Variants in TBC1D19 observed in about 807,000 individuals in gnomAD.
TBC1D19 encodes TBC1 domain family member 19, also known as TBC1 domain family, member 19.
Under a neutral mutation model 89.0 loss-of-function variants are expected in TBC1D19, and 60 were observed. That is an observed-to-expected ratio of 0.67 (90% CI 0.55 to 0.84). TBC1D19 has a LOEUF of 0.84. Ranked by LOEUF, TBC1D19 falls within the 40% of genes least tolerant of loss-of-function variation. The pLI is 0.00. For synonymous variants in TBC1D19, 189 were observed against 199.7 expected (o/e 0.95, Z 0.45); for missense variants, 500 against 610.8 (o/e 0.82, Z 1.91).
chr4:26,602,494 T>C (rs547158119), intron 1 of TBC1D19, among the ~76,000 whole-genome samples: 1 of 138,638 alleles, frequency 7.2e-6, no homozygotes, highest in African/African-American at 2.7e-5. Context: ...CAGGCTGGAG[T>C]GCAGTGGCAC....
intron 15 of TBC1D19, among the ~76,000 whole-genome samples, chr4:26,726,189 A>G (rs1560499247): frequency 6.6e-6 from 1 of 150,414 alleles, no homozygotes; most frequent in Non-Finnish European, 1.5e-5. Flanking sequence ...ATCAGGAAAC[A>G]TTTGGCAATG....
At chr4:26,621,784 A>G (rs1204365656) in intron 4 of TBC1D19, among the ~76,000 whole-genome samples, 4 of 152,212 alleles carry the variant, frequency 2.6e-5, no homozygotes, top group Non-Finnish European at 5.9e-5. Context: ...AGCATAATAA[A>G]TAATACATAT....
At chr4:26,714,664 C>T (rs1042986294) in intron 13 of TBC1D19, among the ~76,000 whole-genome samples, 1 of 151,978 alleles carries the variant, frequency 6.6e-6, no homozygotes, top group Non-Finnish European at 1.5e-5. Context: ...CAGATAAGAA[C>T]ACATATTTTT....
At chr4:26,674,535 G>C (rs1487770855) in intron 11 of TBC1D19, among the ~76,000 whole-genome samples, 1 of 151,800 alleles carries the variant, frequency 6.6e-6, no homozygotes, top group Non-Finnish European at 1.5e-5. Context: ...TTAATGAATA[G>C]CACACTAATA....
intron 7 of TBC1D19, among the ~76,000 whole-genome samples, chr4:26,657,849 T>C (rs1350866430): frequency 6.6e-6 from 1 of 152,258 alleles, no homozygotes; most frequent in Non-Finnish European, 1.5e-5. Flanking sequence ...ATGATGAGCA[T>C]TTTTTATATG....
chr4:26,604,185 G>C (rs1261165925), intron 1 of TBC1D19, among the ~76,000 whole-genome samples: 1 of 131,656 alleles, frequency 7.6e-6, no homozygotes, highest in South Asian at 2.3e-4. Context: ...ACGGAGTGTC[G>C]CTCTGTTACC....
intron 4 of TBC1D19, among the ~76,000 whole-genome samples, chr4:26,624,052 ACTGT>A (rs1267805838): frequency 2.6e-5 from 4 of 152,126 alleles, no homozygotes; most frequent in Non-Finnish European, 5.9e-5. Context: ...AAGAATTTTT[ACTGT>A]CTGTCCTCAG....
chr4:26,815,263 T>C, the TBC1D19 span, among the ~76,000 whole-genome samples: 16 of 152,230 alleles, frequency 1.1e-4, no homozygotes, highest in Non-Finnish European at 2.4e-4. Flanking sequence ...CTCTCTCCTT[T>C]CCTTTAATCA....
chr4:26,848,486 A>G, the TBC1D19 span, among the ~76,000 whole-genome samples: 1 of 152,174 alleles, frequency 6.6e-6, no homozygotes, highest in South Asian at 2.1e-4. Context: ...AATTCAATAG[A>G]TTCTTCTTTT....
chr4:26,718,714 C>T (rs1457275394), intron 14 of TBC1D19, among the ~76,000 whole-genome samples: 1 of 152,048 alleles, frequency 6.6e-6, no homozygotes, highest in Non-Finnish European at 1.5e-5. Flanking sequence ...TGCTGGATTT[C>T]AGCTACCCCT....
intron 13 of TBC1D19, among the ~76,000 whole-genome samples, chr4:26,703,960 C>CAAAAAAAAA (rs11453747): frequency 1.8e-4 from 20 of 113,814 alleles, no homozygotes; most frequent in East Asian, 2.5e-4. Flanking sequence ...GACTCCGTCT[C>CAAAAAAAAA]AAAAAAAAAA....
At chr4:26,709,708 C>G (rs1010384442) in intron 13 of TBC1D19, among the ~76,000 whole-genome samples, 3 of 151,934 alleles carry the variant, frequency 2.0e-5, no homozygotes, top group Non-Finnish European at 4.4e-5. Context: ...CAAGCTTTCT[C>G]CTAAAAGTTG....
intron 19 of TBC1D19, among the ~76,000 whole-genome samples, chr4:26,753,518 T>G (rs1161888297): frequency 6.6e-6 from 1 of 152,218 alleles, no homozygotes; most frequent in Non-Finnish European, 1.5e-5. Context: ...CATGCCATTT[T>G]AAAGTGGTTT....
chr4:26,646,462 G>C (rs1272900743), intron 7 of TBC1D19, among the ~76,000 whole-genome samples: 2 of 152,266 alleles, frequency 1.3e-5, no homozygotes, highest in East Asian at 3.9e-4. Context: ...CCATTACTGG[G>C]TATATACCCA....
In TBC1D19 at chr4:26,584,172, T is replaced by C. The variant is rs372622222; in HGVS notation, c.-22T>C. 27 of 1,601,896 alleles carry C rather than the reference T, an allele frequency of 1.7e-5. No individual in the cohort carries two copies. Among genetic ancestry groups the C allele is most frequent in the Middle Eastern group, 1.6e-4 (1 of 6,070 alleles). ...CGCGCCGGCGGCCTGTCCCCGCGGC[T>C]TGGCGGGCTAGGGCAGGGGAAATGT... On this transcript the variant is annotated 5_prime_UTR_variant, in exon 1 of 21. Coordinates refer to ENST00000264866, the MANE Select transcript of TBC1D19 (RefSeq NM_018317.4).
chr4:26,684,563 A>G (rs1000305062), intron 12 of TBC1D19, among the ~76,000 whole-genome samples: 5 of 152,200 alleles, frequency 3.3e-5, no homozygotes, highest in African/African-American at 1.2e-4. Context: ...AACAGCTCAT[A>G]ACTGTGTTAC....
chr4:26,591,836 G>A (rs918098856), intron 1 of TBC1D19, among the ~76,000 whole-genome samples: 1 of 152,212 alleles, frequency 6.6e-6, no homozygotes, highest in Admixed American at 6.5e-5. Flanking sequence ...TGAAATTGAG[G>A]CAATAATAAA....
At chr4:26,843,606 A>T in the TBC1D19 span, among the ~76,000 whole-genome samples, 1 of 151,998 alleles carries the variant, frequency 6.6e-6, no homozygotes, top group Non-Finnish European at 1.5e-5. Context: ...GCAGAGCAAG[A>T]GTTCCTTCCA....
At chr4:26,766,605 A>G in the TBC1D19 span, among the ~76,000 whole-genome samples, 1 of 152,212 alleles carries the variant, frequency 6.6e-6, no homozygotes, top group African/African-American at 2.4e-5. Flanking sequence ...AACTATGCAT[A>G]TTAGTAACAC....
Sources: allele counts gnomAD v4.1 joint callset (sites outside exome capture counted in the v4.1 genomes callset), GRCh38; gene constraint gnomAD v4.1.1; transcripts MANE v1.5; gene names NCBI Gene and HGNC (gene_info 2026-07-23, HGNC 2026-07-21).